FCRL5: variants seen among roughly 807,000 people sequenced by gnomAD.
FCRL5 encodes Fc receptor like 5, also known as Fc receptor-like protein 5.
In FCRL5, 79 loss-of-function variants were observed where a neutral mutation model predicts 92.1. That is an observed-to-expected ratio of 0.86 (90% CI 0.72 to 1.03). The LOEUF (loss-of-function observed/expected upper bound fraction) is 1.03, where lower values mean the gene tolerates loss of function less well. Among genes scored for constraint, FCRL5 ranks in the 50% least tolerant of loss-of-function variants. The probability of loss-of-function intolerance (pLI) is 0.00; values close to 1 mark genes in which losing one functional copy is unlikely to be tolerated. For synonymous variants in FCRL5, 466 were observed against 469.3 expected (o/e 0.99, Z 0.09); for missense variants, 1,160 against 1,181.1 (o/e 0.98, Z 0.26).
Position 157,539,066 on chromosome 1 carries a change from G to A in FCRL5, c.1402+20C>T, listed in dbSNP as rs757450341. On this transcript the variant is annotated intron_variant, in intron 7 of 16. Coordinates refer to ENST00000361835, the MANE Select transcript of FCRL5 (RefSeq NM_031281.3). ...GACTCTTGGCCAGGGGTGGGTGATT[G>A]GCAGGAACCCAGGGCTTACCAGTGA... 1 of 1,607,932 alleles carries A rather than the reference G, an allele frequency of 6.2e-7. No individual in the cohort carries two copies. Among genetic ancestry groups the A allele is most frequent in the Non-Finnish European group, 8.5e-7 (1 of 1,177,432 alleles).
In FCRL5 at chr1:157,526,850, A is replaced by G. The variant is rs151316214; in HGVS notation, c.1960+767T>C. On this transcript the variant is annotated intron_variant, in intron 9 of 16. Coordinates refer to ENST00000361835, the MANE Select transcript of FCRL5 (RefSeq NM_031281.3). ...GAAGGCCAGGGGGTGGTTGTCAGAT[A>G]ATAAGGGCTTAAAATTGTCCTTTTG... Among the ~76,000 whole-genome samples the G allele has an allele frequency of 1.8e-3, 279 of 152,268 alleles. 1 individual carries two copies. Among genetic ancestry groups the G allele is most frequent in the African/African-American group, 6.0e-3 (248 of 41,540 alleles).
At chr1:157,547,971 A>G (rs1194745634) in intron 2 of FCRL5, among the ~76,000 whole-genome samples, 1 of 152,126 alleles carries the variant, frequency 6.6e-6, no homozygotes, top group African/African-American at 2.4e-5. Flanking sequence ...GTCCTGGAGG[A>G]TTTTACTCCA....
chr1:157,526,709 G>A (rs1650443530), intron 9 of FCRL5, among the ~76,000 whole-genome samples: 1 of 152,156 alleles, frequency 6.6e-6, no homozygotes, highest in African/African-American at 2.4e-5. Flanking sequence ...TCAATTTGGT[G>A]GTGGGAGTGG....
intron 9 of FCRL5, among the ~76,000 whole-genome samples, chr1:157,525,444 G>A (rs1447055187): frequency 2.0e-5 from 3 of 152,186 alleles, no homozygotes; most frequent in Non-Finnish European, 2.9e-5. Flanking sequence ...TAGGAGACTG[G>A]AGATCTAGGC....
At position 157,547,027 on chromosome 1, in the gene FCRL5, G is replaced by T. The variant is rs762649548; in HGVS notation, c.223C>A (p.Leu75Ile). 2 of 1,614,048 alleles carry T rather than the reference G, an allele frequency of 1.2e-6. No individual in the cohort carries two copies. The highest frequency in any genetic ancestry group is 2.2e-5 in the East Asian group (1 of 44,890). Residue 75 changes from leucine to isoleucine, a missense_variant, in exon 3 of 17, where the codon CTT becomes ATT. Coordinates refer to ENST00000361835, the MANE Select transcript of FCRL5 (RefSeq NM_031281.3). Reference protein sequence around the residue: ...EILRETPDNILEVQESGEYRC... With the variant: ...EILRETPDNIIEVQESGEYRC... ...TACTCTCCAGATTCCTGAACCTCAA[G>T]GATATTGTCTGGGGTTTCTCTTAGT... is the stretch of plus-strand genomic sequence containing the variant.
chr1:157,521,199 C>T lies in FCRL5; in HGVS notation c.2333G>A (p.Gly778Asp), dbSNP rs780376804. Residue 778 changes from glycine (G) to aspartate (D), a missense_variant, in exon 11 of 17, where the codon GGC becomes GAC. Gly to Asp is a moderately conservative substitution (Grantham distance 94). Coordinates refer to ENST00000361835, the MANE Select transcript of FCRL5 (RefSeq NM_031281.3). Reference sequence around the variant, plus strand: ...AAACCGGTACAGGATCAGGGGAGAGCCTCTCAGGGCCTCACAGTGAAGCTC... The same window carrying T: ...AAACCGGTACAGGATCAGGGGAGAGTCTCTCAGGGCCTCACAGTGAAGCTC... Reference protein sequence around the residue: ...LLELHCEALRGSPLILYRFFH... With the variant: ...LLELHCEALRDSPLILYRFFH... 1 of 1,614,136 alleles carries T rather than the reference C, an allele frequency of 6.2e-7. No homozygotes were observed. The highest frequency in any genetic ancestry group is 1.7e-5 in the Admixed American group (1 of 60,026).
intron 11 of FCRL5, 74 bp from the exon 12 acceptor site, chr1:157,520,621 C>T (rs1460436906): frequency 2.5e-6 from 3 of 1,196,014 alleles, no homozygotes; most frequent in South Asian, 1.4e-5. Flanking sequence ...GAAGCTGCTG[C>T]CTGGGCCTGA....
chr1:157,524,207 C>T, intron 10 of FCRL5, 72 bp downstream of exon 10: 1 of 1,553,812 alleles, frequency 6.4e-7, no homozygotes, highest in Non-Finnish European at 8.8e-7. Context: ...CTCTGTGGCT[C>T]CATTTTCAGC....
chr1:157,543,033 T>G lies in FCRL5; in HGVS notation c.949A>C (p.Thr317Pro), dbSNP rs755942522. ...CCCTCATGATAAAACCTGTACAAAG[T>G]GCGCAGAGAATCTTCCTGGGTTTCA... ...HCETQEDSLR[T>P]LYRFYHEGVP... Residue 317 changes from threonine to proline, a missense_variant, in exon 6 of 17, where the codon ACT becomes CCT. Coordinates refer to ENST00000361835, the MANE Select transcript of FCRL5 (RefSeq NM_031281.3). 1.2e-6 allele frequency: 2 copies of G among 1,614,112 alleles called. No individual in the cohort carries two copies. Among genetic ancestry groups the G allele is most frequent in the Non-Finnish European group, 1.7e-6 (2 of 1,180,050 alleles).
intron 5 of FCRL5, 61 bp from the exon 6 acceptor site, chr1:157,543,198 A>G: frequency 6.5e-7 from 1 of 1,536,864 alleles, no homozygotes; most frequent in Non-Finnish European, 8.8e-7. Flanking sequence ...ATTACAAGGC[A>G]TGGCCAGTGC....
Position 157,520,951 on chromosome 1 carries a change from G to T in FCRL5, c.2515+66C>A, listed in dbSNP as rs1558127085. 11 of 1,525,090 alleles carry T rather than the reference G, an allele frequency of 7.2e-6. No individual in the cohort carries two copies. The East Asian group carries it at 2.3e-4, about 31-fold the overall frequency. 94.5% of individuals were successfully genotyped at this position (1,525,090 alleles called of 1,614,324 possible). A position where few individuals can be genotyped will look rare whatever the true frequency, so the allele number is the denominator to read the frequency against. ...TGCCTTTCTGATCAAGCACTGTGAGGGTTATCAGAGGGTCCGCGGAGGAAA... is the reference window on the plus strand; with the variant it reads ...TGCCTTTCTGATCAAGCACTGTGAGTGTTATCAGAGGGTCCGCGGAGGAAA... On this transcript the variant is annotated intron_variant, in intron 11 of 16. Transcript: ENST00000361835.
At chr1:157,534,425 T>C in intron 8 of FCRL5, 189 bp downstream of exon 8, 1 of 725,500 alleles carries the variant, frequency 1.4e-6, no homozygotes, top group Non-Finnish European at 2.5e-6. Flanking sequence ...TCTACTGAGC[T>C]GTTTTAGGGG....
At chr1:157,542,702 A>T in intron 6 of FCRL5, 157 bp downstream of exon 6, 1 of 893,670 alleles carries the variant, frequency 1.1e-6, no homozygotes, top group Non-Finnish European at 1.7e-6. Flanking sequence ...CTCAAGAGGC[A>T]GACAGCTGGT....
Position 157,544,545 on chromosome 1 carries a change from C to T in FCRL5, c.561G>A (p.Glu187=). ...SSNTVKIQVQ[E]PFTRPVLRAS... The stretch of plus-strand genomic sequence containing the variant: ...CTCTCAGCACTGGACGTGTAAATGG[C>T]TCTAGAGAGAAGAATCACAACAGTC... Residue 187 remains glutamate, a splice_region_variant and synonymous_variant, in exon 5 of 17, where the codon GAG becomes GAA. Transcript: ENST00000361835. The T allele has an allele frequency of 6.2e-7, 1 of 1,612,930 alleles. No individual in the cohort carries two copies.
chr1:157,549,654 T>C, intron 1 of FCRL5, 74 bp from the exon 2 acceptor site: 2 of 1,384,206 alleles, frequency 1.4e-6, no homozygotes, highest in Non-Finnish European at 2.0e-6. Flanking sequence ...TTCCCTTTTT[T>C]ACCCATGCAT....
chr1:157,541,063 C>A (rs371857581), intron 6 of FCRL5, among the ~76,000 whole-genome samples: 1 of 152,216 alleles, frequency 6.6e-6, no homozygotes, highest in Non-Finnish European at 1.5e-5. Context: ...GCTAAATTCA[C>A]TGGATGTGAC....
chr1:157,521,281 G>A lies in FCRL5; in HGVS notation c.2251C>T (p.Arg751Cys), dbSNP rs1650180475. ...GGAGCCCTGAGGGTGAGGACCGGGCGAGACACCGGAACTGAAAGAGAACAA... is the reference window on the plus strand; with the variant it reads ...GGAGCCCTGAGGGTGAGGACCGGGCAAGACACCGGAACTGAAAGAGAACAA... Reference protein sequence around the residue: ...VTLKVAVPVSRPVLTLRAPGT... With the variant: ...VTLKVAVPVSCPVLTLRAPGT... The change falls in exon 11 of 17, where the codon CGC becomes TGC. Residue 751 changes from arginine (R) to cysteine (C), a missense_variant. By Grantham distance (180) the Arg-to-Cys change is radical (BLOSUM62 -3). Transcript: ENST00000361835. 1.2e-6 allele frequency: 2 copies of A among 1,608,388 alleles called. No homozygotes were observed. The highest frequency in any genetic ancestry group is 1.3e-5 in the African/African-American group (1 of 74,594).
intron 6 of FCRL5, 147 bp downstream of exon 6, chr1:157,542,712 T>C: frequency 1.0e-6 from 1 of 973,552 alleles, no homozygotes; most frequent in South Asian, 1.7e-5. Flanking sequence ...AGACAGCTGG[T>C]TCAGTGAGCC....
intron 7 of FCRL5, among the ~76,000 whole-genome samples, chr1:157,535,211 C>T (rs553339646): frequency 2.6e-5 from 4 of 152,314 alleles, no homozygotes; most frequent in East Asian, 1.9e-4. Flanking sequence ...TCACTTGCAC[C>T]GCTCCTCACT....
Sources: allele counts gnomAD v4.1 joint callset (sites outside exome capture counted in the v4.1 genomes callset), GRCh38; gene constraint gnomAD v4.1.1; transcripts MANE v1.5; gene names NCBI Gene and HGNC (gene_info 2026-07-23, HGNC 2026-07-21).